Variants in RBFOX1 observed in about 807,000 individuals in gnomAD.
RBFOX1 encodes RNA binding protein fox-1 homolog 1.
Under a neutral mutation model 57.7 loss-of-function variants are expected in RBFOX1, and 8 were observed. That is an observed-to-expected ratio of 0.14 (90% CI 0.08 to 0.25). The LOEUF (loss-of-function observed/expected upper bound fraction) is 0.25, where lower values mean the gene tolerates loss of function less well. Among genes scored for constraint, RBFOX1 ranks in the 10% least tolerant of loss-of-function variants. RBFOX1 has a pLI of 1.00. For synonymous variants in RBFOX1, 326 were observed against 222.4 expected (o/e 1.47, Z -4.15); for missense variants, 611 against 548.5 (o/e 1.11, Z -1.14).
chr16:7,491,530 C>T (rs1038943584), intron 4 of RBFOX1, among the ~76,000 whole-genome samples: 4 of 151,720 alleles, frequency 2.6e-5, no homozygotes, highest in Non-Finnish European at 5.9e-5. Context: ...CCCTTCCCTG[C>T]TGATCTTTGG....
chr16:6,890,624 G>A (rs184144739), intron 3 of RBFOX1, among the ~76,000 whole-genome samples: 2 of 152,268 alleles, frequency 1.3e-5, no homozygotes, highest in East Asian at 1.9e-4. Flanking sequence ...TTATTGTGTT[G>A]GTGTTTGTAA....
chr16:6,935,146 G>A (rs2077163415), intron 3 of RBFOX1, among the ~76,000 whole-genome samples: 2 of 152,120 alleles, frequency 1.3e-5, no homozygotes, highest in Admixed American at 1.3e-4. Context: ...GTGACCTTGA[G>A]CTATATGCCT....
intron 3 of RBFOX1, among the ~76,000 whole-genome samples, chr16:5,636,547 G>T: frequency 9.6e-6 from 1 of 103,754 alleles, no homozygotes; most frequent in African/African-American, 2.5e-5. Context: ...GCAAGGTCAG[G>T]GTTGTCATGT....
At position 5,834,169 on chromosome 16, in the gene RBFOX1, C is replaced by T. The variant is rs750275536; in HGVS notation, c.319-33134C>T. Reference sequence around the variant, plus strand: ...CAGTGGTACACGTGGTTTTTGGTTACATGGATTCATTTTACAGTGGTGAAG... The same window carrying T: ...CAGTGGTACACGTGGTTTTTGGTTATATGGATTCATTTTACAGTGGTGAAG... On this transcript the variant is annotated intron_variant, in intron 3 of 19. Coordinates refer to the RBFOX1 transcript ENST00000641259. Among the ~76,000 whole-genome samples, 35 of 152,282 alleles carry T rather than the reference C, an allele frequency of 2.3e-4. 1 individual carries two copies. Among genetic ancestry groups the T allele is most frequent in the Admixed American group, 7.8e-4 (12 of 15,294 alleles).
In RBFOX1 at chr16:7,028,362, A is replaced by G. The variant is rs529352558; in HGVS notation, c.-15-23695A>G. ...GGGCTCAGGGCTGGAGTTAGATGGG[A>G]TGGATTTTATCTCTCTGATGCTTGA... On this transcript the variant is annotated intron_variant, in intron 3 of 15. Transcript: ENST00000550418. 2.4e-4 allele frequency among the ~76,000 whole-genome samples: 36 copies of G among 152,076 alleles called. No homozygotes were observed. In the East Asian group the frequency reaches 6.0e-3, roughly 26 times the overall value.
chr16:6,053,305 G>A (rs369047942), intron 1 of RBFOX1, among the ~76,000 whole-genome samples: 2 of 152,148 alleles, frequency 1.3e-5, no homozygotes, highest in African/African-American at 4.8e-5. Flanking sequence ...CAGGAATTGC[G>A]CAGAGAGCTT....
In RBFOX1 at chr16:5,757,278, C is replaced by G. The variant is rs1567499898; in HGVS notation, c.319-110025C>G. 3.5e-5 allele frequency among the ~76,000 whole-genome samples: 5 copies of G among 142,554 alleles called. No individual in the cohort carries two copies. In the Admixed American group the frequency reaches 3.6e-4, roughly 10 times the overall value. 93.5% of individuals were successfully genotyped at this position (142,554 alleles called of 152,430 possible). A position where few individuals can be genotyped will look rare whatever the true frequency, so the allele number is the denominator to read the frequency against. On this transcript the variant is annotated intron_variant, in intron 3 of 19. Transcript: ENST00000641259. ...GATGGAGTGTCACTCTGTTGCCAGG[C>G]TGGAGTGCAGTGGTGCAATCTTGGT... is the stretch of plus-strand genomic sequence containing the variant.
chr16:6,569,192 G>A (rs985958769), intron 2 of RBFOX1, among the ~76,000 whole-genome samples: 7 of 152,164 alleles, frequency 4.6e-5, no homozygotes, highest in Non-Finnish European at 5.9e-5. Context: ...TGGAAGCAAT[G>A]TATAAGTTAT....
intron 3 of RBFOX1, among the ~76,000 whole-genome samples, chr16:6,687,529 C>G (rs374488090): frequency 2.0e-5 from 3 of 152,268 alleles, no homozygotes; most frequent in African/African-American, 7.2e-5. Context: ...GCTTCAGTAA[C>G]AAACATGTCC....
intron 3 of RBFOX1, among the ~76,000 whole-genome samples, chr16:6,939,104 G>A (rs2077879382): frequency 6.6e-6 from 1 of 152,176 alleles, no homozygotes; most frequent in South Asian, 2.1e-4. Context: ...TGAAGAAACA[G>A]TGGCCCAGAA....
At chr16:7,065,893 A>C (rs1413522761) in intron 4 of RBFOX1, among the ~76,000 whole-genome samples, 1 of 152,144 alleles carries the variant, frequency 6.6e-6, no homozygotes, top group Non-Finnish European at 1.5e-5. Context: ...AAGTGAGTTC[A>C]TGGGGTACAT....
At position 6,487,498 on chromosome 16, in the gene RBFOX1, T is replaced by C. The variant is rs1049362455; in HGVS notation, c.-63-167105T>C. Among the ~76,000 whole-genome samples, 4 of 151,298 alleles carry C rather than the reference T, an allele frequency of 2.6e-5. No homozygotes were observed. In the East Asian group the frequency reaches 7.8e-4, roughly 29 times the overall value. On this transcript the variant is annotated intron_variant, in intron 2 of 15. Transcript: ENST00000550418. The stretch of plus-strand genomic sequence containing the variant: ...TTTGTGCTTGCAAGTTCTCCTGAAA[T>C]TATTTTGGTTGGGTTTAAAAGAAAA...
chr16:6,930,167 T>C (rs2076273601), intron 3 of RBFOX1, among the ~76,000 whole-genome samples: 1 of 152,192 alleles, frequency 6.6e-6, no homozygotes, highest in African/African-American at 2.4e-5. Context: ...AGAGAGATAT[T>C]ATCCCATCTT....
chr16:6,697,918 C>G (rs568952483), intron 3 of RBFOX1, among the ~76,000 whole-genome samples: 1 of 152,208 alleles, frequency 6.6e-6, no homozygotes, highest in East Asian at 1.9e-4. Context: ...CCAAAAGTCT[C>G]TTTTTTTAAA....
Position 6,041,492 on chromosome 16 carries a change from C to T in RBFOX1, c.-127+21500C>T, listed in dbSNP as rs150720321. The stretch of plus-strand genomic sequence containing the variant: ...GTTTTATATGTACTATTCATTCAAC[C>T]CTTACACTAATGCCATGAGGTCACT... On this transcript the variant is annotated intron_variant, in intron 1 of 15. Transcript: ENST00000550418. Among the ~76,000 whole-genome samples, 27 of 152,198 alleles carry T rather than the reference C, an allele frequency of 1.8e-4. 1 individual carries two copies. The highest frequency in any genetic ancestry group is 6.0e-4 in the African/African-American group (25 of 41,526).
At chr16:6,430,995 A>C (rs1281579108) in intron 2 of RBFOX1, among the ~76,000 whole-genome samples, 1 of 147,820 alleles carries the variant, frequency 6.8e-6, no homozygotes, top group African/African-American at 2.5e-5. Flanking sequence ...AAAATTAGCC[A>C]GGTGTGTTGC....
chr16:6,987,496 C>G (rs950253378), intron 3 of RBFOX1, among the ~76,000 whole-genome samples: 1 of 138,512 alleles, frequency 7.2e-6, no homozygotes, highest in Non-Finnish European at 1.5e-5. Context: ...CACACACACA[C>G]ACACACACAG....
chr16:5,642,026 A>G (rs2048893877), intron 3 of RBFOX1, among the ~76,000 whole-genome samples: 1 of 152,206 alleles, frequency 6.6e-6, no homozygotes, highest in African/African-American at 2.4e-5. Context: ...GGCTGCTGGT[A>G]TCTGGACCAC....
intron 4 of RBFOX1, among the ~76,000 whole-genome samples, chr16:7,427,211 A>G (rs2098629198): frequency 6.6e-6 from 1 of 152,178 alleles, no homozygotes; most frequent in Non-Finnish European, 1.5e-5. Flanking sequence ...ACATGTATAC[A>G]TATGTAACAA....
Sources: gnomAD v4.1 joint callset for allele counts (sites outside exome capture counted in the v4.1 genomes callset) on GRCh38, gnomAD v4.1.1 for gene constraint, MANE v1.5 for transcripts, NCBI Gene and HGNC (gene_info 2026-07-23, HGNC 2026-07-21) for gene names.